SLC9B1: variants seen among roughly 807,000 people sequenced by gnomAD.
SLC9B1 encodes sodium/hydrogen exchanger 9B1.
In SLC9B1, 32 loss-of-function variants were observed where a neutral mutation model predicts 51.7. That is an observed-to-expected ratio of 0.62 (90% CI 0.47 to 0.83). The LOEUF (loss-of-function observed/expected upper bound fraction) is 0.83. Among genes scored for constraint, SLC9B1 ranks in the 40% least tolerant of loss-of-function variants. The pLI, the probability that SLC9B1 is intolerant of heterozygous loss-of-function variation, is 0.00. For synonymous variants in SLC9B1, 145 were observed against 212.7 expected, an observed-to-expected ratio of 0.68 and a Z score of 2.77; for missense variants, 406 against 613.2, an observed-to-expected ratio of 0.66 and a Z score of 3.57.
At chr4:102,955,598 AACAG>A (rs1737743806) in intron 3 of SLC9B1, among the ~76,000 whole-genome samples, 1 of 152,088 alleles carries the variant, frequency 6.6e-6, no homozygotes, top group African/African-American at 2.4e-5. Context: ...TTTGAGAATG[AACAG>A]ACAGAATTGC....
chr4:102,946,687 G>C lies in SLC9B1; in HGVS notation c.485C>G (p.Thr162Ser). 1 of 1,610,340 alleles carries C rather than the reference G, an allele frequency of 6.2e-7. No individual in the cohort carries two copies. The change falls in exon 5 of 12, where the codon ACC becomes AGC. Residue 162 changes from threonine to serine, a missense_variant. This residue lies in a region of SLC9B1 where 250 missense variants were observed against 394.1 expected (regional missense o/e 0.63). Coordinates refer to ENST00000296422, the MANE Select transcript of SLC9B1 (RefSeq NM_139173.4). Reference protein sequence around the residue: ...WSSILRSIALTIILIRAGLGL... With the variant: ...WSSILRSIALSIILIRAGLGL... ...AAGCCCAGCTCTTATTAGAATAATG[G>C]TAAGGGCAATGCTTCTTAAAATTGA...
In SLC9B1 at chr4:102,901,089, A is replaced by C. The variant is rs779320329; in HGVS notation, c.*28T>G. The C allele has an allele frequency of 1.2e-6, 2 of 1,609,644 alleles. No individual in the cohort carries two copies. The highest frequency in any genetic ancestry group is 1.1e-5 in the South Asian group (1 of 90,544). On this transcript the variant is annotated 3_prime_UTR_variant, in exon 12 of 12. Coordinates refer to ENST00000296422, the MANE Select transcript of SLC9B1 (RefSeq NM_139173.4). The stretch of plus-strand genomic sequence containing the variant: ...TCATGTGAAATAATTCATTAAAAGA[A>C]GCAGGCAGATGATGACAGGTAAACT...
At chr4:102,893,363 A>T (rs1430021025) in intron 11 of SLC9B1, among the ~76,000 whole-genome samples, 1 of 151,848 alleles carries the variant, frequency 6.6e-6, no homozygotes, top group Non-Finnish European at 1.5e-5. Context: ...TTAGCAACAC[A>T]TTGGAAAATC....
chr4:102,917,489 A>ATATC, intron 7 of SLC9B1, among the ~76,000 whole-genome samples: 2 of 138,888 alleles, frequency 1.4e-5, no homozygotes, highest in Middle Eastern at 7.6e-3. Flanking sequence ...ATCTATATCT[A>ATATC]TATCTCCTAT....
chr4:102,886,500 A>G (rs1733924300), intron 11 of SLC9B1, among the ~76,000 whole-genome samples: 1 of 152,088 alleles, frequency 6.6e-6, no homozygotes, highest in African/African-American at 2.4e-5. Context: ...CAAAAAAAAG[A>G]AAAAAAAGAA....
chr4:102,951,958 A>T (rs1441586734), intron 3 of SLC9B1, among the ~76,000 whole-genome samples: 4 of 8,220 alleles, frequency 4.9e-4, no homozygotes, highest in Admixed American at 1.7e-3. Flanking sequence ...CAAAAATAAA[A>T]TCTTTTTTTT....
At chr4:102,981,657 C>T (rs1026020229) in intron 3 of SLC9B1, among the ~76,000 whole-genome samples, 9 of 152,038 alleles carry the variant, frequency 5.9e-5, no homozygotes, top group African/African-American at 1.9e-4. Context: ...TATCTTATTT[C>T]GTGAGGTTCC....
chr4:102,945,023 T>C (rs1271218348), intron 6 of SLC9B1, among the ~76,000 whole-genome samples, 170 bp downstream of exon 6: 1 of 152,202 alleles, frequency 6.6e-6, no homozygotes, highest in Non-Finnish European at 1.5e-5. Flanking sequence ...TAAAAAAATT[T>C]CGTACAATTT....
At chr4:102,955,978 C>G (rs1027870233) in intron 3 of SLC9B1, among the ~76,000 whole-genome samples, 2 of 152,238 alleles carry the variant, frequency 1.3e-5, no homozygotes, top group East Asian at 3.9e-4. Flanking sequence ...GAGTGGCTCA[C>G]GGTGCCTAAA....
intron 9 of SLC9B1, among the ~76,000 whole-genome samples, chr4:102,906,986 G>C (rs767208809): frequency 1.3e-5 from 2 of 152,092 alleles, no homozygotes; most frequent in Non-Finnish European, 2.9e-5. Flanking sequence ...GCGTCCCAAA[G>C]CACTGGCATT....
intron 11 of SLC9B1, among the ~76,000 whole-genome samples, chr4:102,894,996 T>A (rs1271790347): frequency 6.6e-6 from 1 of 152,060 alleles, no homozygotes; most frequent in Non-Finnish European, 1.5e-5. Flanking sequence ...TCAATTAAAT[T>A]CACATTAGAA....
At chr4:102,885,669 G>C (rs1047947814) in intron 11 of SLC9B1, among the ~76,000 whole-genome samples, 2 of 152,206 alleles carry the variant, frequency 1.3e-5, no homozygotes, top group Admixed American at 6.5e-5. Context: ...CATTTATGTA[G>C]AGTAACATGT....
At position 102,993,594 on chromosome 4, in the gene SLC9B1, C is replaced by G. The variant is rs555879725; in HGVS notation, c.-1-1882G>C. Among the ~76,000 whole-genome samples, 52 of 152,306 alleles carry G rather than the reference C, an allele frequency of 3.4e-4. 1 individual carries two copies. The highest frequency in any genetic ancestry group is 2.5e-3 in the Admixed American group (39 of 15,298). ...TTCTGGGGTCTGGAGGATGGTGGCT[C>G]TCTTCTCACAGCTCCTCCAGGTAGT... is the stretch of plus-strand genomic sequence containing the variant. On this transcript the variant is annotated intron_variant, in intron 1 of 11. Coordinates refer to ENST00000296422, the MANE Select transcript of SLC9B1 (RefSeq NM_139173.4).
intron 6 of SLC9B1, among the ~76,000 whole-genome samples, chr4:102,934,068 G>A (rs1178204748): frequency 6.6e-6 from 1 of 152,158 alleles, no homozygotes; most frequent in African/African-American, 2.4e-5. Context: ...ACCATGCCCG[G>A]CCAAAGCCTC....
rs561973069 is a variant in SLC9B1 at position 102,943,892 on chromosome 4, A to C, written c.653+1301T>G. 1.9e-3 allele frequency among the ~76,000 whole-genome samples: 296 copies of C among 152,282 alleles called. 1 individual carries two copies. The highest frequency in any genetic ancestry group is 2.5e-3 in the Non-Finnish European group (168 of 68,028). On this transcript the variant is annotated intron_variant, in intron 6 of 11. Transcript: ENST00000296422. Reference sequence around the variant, plus strand: ...CCACCTGTTCCTTAAAAACTAATGAAAAAAGAAAAAAGACATGAGATCAAC... The same window carrying C: ...CCACCTGTTCCTTAAAAACTAATGACAAAAGAAAAAAGACATGAGATCAAC...
At chr4:102,992,703 GT>G (rs1266419145) in intron 1 of SLC9B1, among the ~76,000 whole-genome samples, 4 of 152,162 alleles carry the variant, frequency 2.6e-5, no homozygotes, top group Non-Finnish European at 4.4e-5. Flanking sequence ...CCTTTAAAGT[GT>G]AGTTCCATTT....
chr4:102,922,812 T>C lies in SLC9B1; in HGVS notation c.829+9312A>G, dbSNP rs563806148. ...AATAAACTACAACATCTAGAAGAAA[T>C]GGATAAATTCTGGGACACATACACC... On this transcript the variant is annotated intron_variant, in intron 7 of 11. Coordinates refer to ENST00000296422, the MANE Select transcript of SLC9B1 (RefSeq NM_139173.4). 1.0e-3 allele frequency among the ~76,000 whole-genome samples: 158 copies of C among 152,086 alleles called. 1 individual carries two copies. The highest frequency in any genetic ancestry group is 1.4e-3 in the Non-Finnish European group (98 of 67,964).
chr4:103,019,629 C>G lies in SLC9B1; in HGVS notation c.-32G>C. The G allele has an allele frequency of 2.0e-6, 2 of 985,478 alleles. No individual in the cohort carries two copies. Among genetic ancestry groups the G allele is most frequent in the South Asian group, 9.4e-5 (2 of 21,286 alleles). The allele number at this position is 985,478 out of a possible 1,614,324, so 61.0% of individuals were successfully genotyped here. On this transcript the variant is annotated 5_prime_UTR_variant, in exon 1 of 12. Coordinates refer to ENST00000296422, the MANE Select transcript of SLC9B1 (RefSeq NM_139173.4). ...ACTTCTTTCGCAGCCCTCGCTGGCCCGGGAGCGGCCCAGGAGCCCAGTGAC... is the reference window on the plus strand; with the variant it reads ...ACTTCTTTCGCAGCCCTCGCTGGCCGGGGAGCGGCCCAGGAGCCCAGTGAC...
chr4:102,949,498 T>C, intron 3 of SLC9B1, 71 bp from the exon 4 acceptor site: 1 of 1,251,384 alleles, frequency 8.0e-7, no homozygotes, highest in Non-Finnish European at 1.1e-6. Flanking sequence ...GGATCAATTC[T>C]CTTTTATCAT....
Sources: allele counts gnomAD v4.1 joint callset (sites outside exome capture counted in the v4.1 genomes callset), GRCh38; gene constraint gnomAD v4.1.1; regional missense constraint gnomAD v4.1.1; transcripts MANE v1.5; gene names NCBI Gene and HGNC (gene_info 2026-07-23, HGNC 2026-07-21).